The following DOCK3 variants were observed in gnomAD, a reference collection of about 807,000 sequenced individuals.
DOCK3 encodes the protein dedicator of cytokinesis protein 3.
Under a neutral mutation model 265.6 loss-of-function variants are expected in DOCK3, and 60 were observed. That is an observed-to-expected ratio of 0.23 (90% confidence interval 0.18 to 0.28). The LOEUF is 0.28. DOCK3 is among the 10% of genes least tolerant of loss of function. The pLI is 1.00. For synonymous variants in DOCK3, 881 were observed against 938.0 expected, an observed-to-expected ratio of 0.94 and a Z score of 1.11; for missense variants, 1,981 against 2,594.3, an observed-to-expected ratio of 0.76 and a Z score of 5.14.
At chr3:51,354,429 C>A (rs1432588334) in intron 40 of DOCK3, among the ~76,000 whole-genome samples, 7 of 152,154 alleles carry the variant, frequency 4.6e-5, no homozygotes, top group Admixed American at 4.6e-4. Flanking sequence ...CTGCTTCTAC[C>A]AGTTCTCTAC....
At chr3:51,299,890 A>C (rs888381196) in intron 27 of DOCK3, among the ~76,000 whole-genome samples, 2 of 152,184 alleles carry the variant, frequency 1.3e-5, no homozygotes, top group Non-Finnish European at 1.5e-5. Context: ...TATCTTGGCT[A>C]TACGGGCTCT....
rs568393289 is a variant in DOCK3 at position 51,310,021 on chromosome 3, G to C, written c.2923-211G>C. On this transcript the variant is annotated intron_variant, in intron 27 of 52. Transcript: ENST00000266037. ...GTGGGTATAGAGCTACCTCTGTTCT[G>C]CCCAGTTTGGGTCTGCTTCCATCTG... 1.6e-4 allele frequency among the ~76,000 whole-genome samples: 25 copies of C among 152,286 alleles called. No individual in the cohort carries two copies. In the South Asian group the frequency reaches 1.9e-3, roughly 11 times the overall value.
chr3:51,362,854 T>G (rs912112550), intron 49 of DOCK3, among the ~76,000 whole-genome samples, 180 bp downstream of exon 49: 4 of 152,234 alleles, frequency 2.6e-5, no homozygotes, highest in Non-Finnish European at 5.9e-5. Flanking sequence ...CCTGGCTGGC[T>G]TCAGACTCCG....
chr3:51,067,427 T>TTGTG (rs60551624), intron 6 of DOCK3, among the ~76,000 whole-genome samples: 7,389 of 144,150 alleles, frequency 0.051, 269 homozygotes, highest in Middle Eastern at 0.074. Context: ...TGAAATATGT[T>TTGTG]TGTGTGTGTG....
chr3:51,356,548 T>G, intron 43 of DOCK3, 55 bp downstream of exon 43: 1 of 1,556,262 alleles, frequency 6.4e-7, no homozygotes, highest in Non-Finnish European at 8.8e-7. Flanking sequence ...CAGCCCCAGC[T>G]CTGGGGGCCC....
At chr3:50,861,718 C>T (rs2046918685) in intron 3 of DOCK3, among the ~76,000 whole-genome samples, 2 of 147,912 alleles carry the variant, frequency 1.4e-5, no homozygotes, top group African/African-American at 4.9e-5. Context: ...GGTCTTAAGT[C>T]TGTTTTATCT....
intron 4 of DOCK3, among the ~76,000 whole-genome samples, chr3:50,929,843 A>C (rs2050961271): frequency 6.6e-6 from 1 of 152,240 alleles, no homozygotes; most frequent in Non-Finnish European, 1.5e-5. Flanking sequence ...TATTCTAGAA[A>C]GTCTTTGCTT....
chr3:50,859,240 G>T (rs547522907), intron 3 of DOCK3, among the ~76,000 whole-genome samples: 20 of 131,118 alleles, frequency 1.5e-4, no homozygotes, highest in African/African-American at 4.8e-4. Flanking sequence ...TTTTTGAGAC[G>T]GAATCTGACT....
intron 5 of DOCK3, among the ~76,000 whole-genome samples, chr3:50,969,898 A>G (rs1350486622): frequency 1.3e-5 from 2 of 152,124 alleles, no homozygotes; most frequent in Non-Finnish European, 2.9e-5. Flanking sequence ...GTGAAACACC[A>G]TGTCTACTAA....
At chr3:51,332,909 A>G (rs1253030967) in intron 33 of DOCK3, 92 bp from the exon 34 acceptor site, 3 of 1,552,582 alleles carry the variant, frequency 1.9e-6, no homozygotes, top group Non-Finnish European at 2.6e-6. Context: ...TGGCATCCTT[A>G]GGAACTTGTA....
In DOCK3 at chr3:51,359,444, T is replaced by C. The variant is rs1282031060; in HGVS notation, c.4885-1067T>C. Among the ~76,000 whole-genome samples, 1 of 152,224 alleles carries C rather than the reference T, an allele frequency of 6.6e-6. No homozygotes were observed. The highest frequency in any genetic ancestry group is 1.5e-5 in the Non-Finnish European group (1 of 68,044). On this transcript the variant is annotated intron_variant, in intron 46 of 52. Coordinates refer to ENST00000266037, the MANE Select transcript of DOCK3 (RefSeq NM_004947.5). This position sits in a 1 kb window ranked among gnomAD's most constrained non-coding sequence, Gnocchi z 4.8. ...ATATGCAGAGAAGCTCTTTTACATC[T>C]CCGCCTTAAAATTGGAGTGTCCATT...
intron 24 of DOCK3, among the ~76,000 whole-genome samples, chr3:51,271,642 G>A (rs1160839911): frequency 6.6e-6 from 1 of 152,138 alleles, no homozygotes; most frequent in Admixed American, 6.5e-5. Context: ...TTGAGGTCAG[G>A]AGTTCAAGAC....
At chr3:50,911,394 C>A (rs1335509610) in intron 4 of DOCK3, among the ~76,000 whole-genome samples, 1 of 152,064 alleles carries the variant, frequency 6.6e-6, no homozygotes, top group Non-Finnish European at 1.5e-5. Flanking sequence ...GTATTCCTAG[C>A]ACCATTGATT....
At position 50,942,023 on chromosome 3, in the gene DOCK3, TTAA is replaced by T. The variant is rs1435394037; in HGVS notation, c.315+7952_315+7954del. ...CACATGTGGTTTCTTTGTAATGGAGTTAATAATATTGTAACAATGTCAGTTTCT... is the reference window on the plus strand; with the variant it reads ...CACATGTGGTTTCTTTGTAATGGAGTTAATATTGTAACAATGTCAGTTTCT... On this transcript the variant is annotated intron_variant, in intron 5 of 52. Transcript: ENST00000266037. 2.6e-5 allele frequency among the ~76,000 whole-genome samples: 4 copies of T among 152,166 alleles called. No individual in the cohort carries two copies. In the South Asian group the frequency reaches 8.3e-4, roughly 32 times the overall value.
intron 5 of DOCK3, among the ~76,000 whole-genome samples, chr3:51,013,460 G>A (rs746846627): frequency 8.5e-5 from 13 of 152,172 alleles, no homozygotes; most frequent in Non-Finnish European, 1.0e-4. Flanking sequence ...GACCCTGTTT[G>A]CCTGGGTATC....
intron 22 of DOCK3, among the ~76,000 whole-genome samples, chr3:51,247,719 A>AGAGCATC (rs2078905760): frequency 3.9e-5 from 6 of 152,172 alleles, no homozygotes; most frequent in Admixed American, 3.9e-4. Flanking sequence ...TTTCATACAA[A>AGAGCATC]TGCCTACTGA....
intron 1 of DOCK3, among the ~76,000 whole-genome samples, chr3:50,722,354 G>C (rs761416321): frequency 7.2e-5 from 11 of 152,186 alleles, no homozygotes; most frequent in Non-Finnish European, 1.5e-4. Context: ...TATCTGGACT[G>C]GAAAGTGGTA....
At chr3:50,711,350 C>T (rs948936094) in intron 1 of DOCK3, among the ~76,000 whole-genome samples, 1 of 151,522 alleles carries the variant, frequency 6.6e-6, no homozygotes, top group Non-Finnish European at 1.5e-5. Context: ...CAAGCTTTGC[C>T]TCCTGGGTTC....
chr3:51,041,192 A>G (rs1170660251), intron 5 of DOCK3, among the ~76,000 whole-genome samples: 4 of 15,336 alleles, frequency 2.6e-4, no homozygotes, highest in Non-Finnish European at 4.1e-4. Flanking sequence ...ATATATATAT[A>G]TATATATATA....
Sources: allele counts gnomAD v4.1 joint callset (sites outside exome capture counted in the v4.1 genomes callset), GRCh38; gene constraint gnomAD v4.1.1; non-coding constraint Gnocchi (gnomAD v3.1); transcripts MANE v1.5; gene names NCBI Gene and HGNC (gene_info 2026-07-23, HGNC 2026-07-21).